Variants in FUT9 observed in about 807,000 individuals in gnomAD.
FUT9 encodes fucosyltransferase 9.
Under a neutral mutation model 29.7 loss-of-function variants are expected in FUT9, and 15 were observed. That is an observed-to-expected ratio of 0.51 (90% CI 0.34 to 0.78). The LOEUF is 0.78. Among genes scored for constraint, FUT9 ranks in the 30% least tolerant of loss-of-function variants. The probability of loss-of-function intolerance (pLI) is 0.01; values close to 1 mark genes in which losing one functional copy is unlikely to be tolerated. For missense variants in FUT9, 319 were observed against 425.4 expected, an observed-to-expected ratio of 0.75 and a Z score of 2.20; for synonymous variants, 169 against 153.7, an observed-to-expected ratio of 1.10 and a Z score of -0.74.
intron 2 of FUT9, among the ~76,000 whole-genome samples, chr6:96,197,445 A>AC (rs1773647081): frequency 6.6e-6 from 1 of 152,020 alleles, no homozygotes; most frequent in East Asian, 1.9e-4. Flanking sequence ...TCATGCCAAA[A>AC]GTAAATGGCA....
chr6:96,109,825 A>G (rs1447857184), intron 1 of FUT9, among the ~76,000 whole-genome samples: 1 of 152,106 alleles, frequency 6.6e-6, no homozygotes, highest in Non-Finnish European at 1.5e-5. Context: ...TGCACTATAA[A>G]GTCTAACTCT....
chr6:96,169,892 G>T (rs1375176329), intron 2 of FUT9, among the ~76,000 whole-genome samples: 1 of 152,208 alleles, frequency 6.6e-6, no homozygotes, highest in Middle Eastern at 3.4e-3. Context: ...GCCAACCAAA[G>T]AAATTTGGAG....
At chr6:96,165,653 T>G (rs1311286238) in intron 2 of FUT9, among the ~76,000 whole-genome samples, 1 of 152,012 alleles carries the variant, frequency 6.6e-6, no homozygotes, top group African/African-American at 2.4e-5. Context: ...CTGTCATCTG[T>G]CACCCAGGCT....
intron 2 of FUT9, among the ~76,000 whole-genome samples, chr6:96,142,536 T>C (rs1374445907): frequency 6.6e-6 from 1 of 152,196 alleles, no homozygotes; most frequent in Non-Finnish European, 1.5e-5. Flanking sequence ...ATTCAAAGGT[T>C]CATCATTAAC....
intron 2 of FUT9, among the ~76,000 whole-genome samples, chr6:96,188,255 T>C (rs1279032452): frequency 6.6e-6 from 1 of 151,924 alleles, no homozygotes; most frequent in Non-Finnish European, 1.5e-5. Context: ...CTCTCTTTTG[T>C]GTGTGTGTGT....
intron 1 of FUT9, among the ~76,000 whole-genome samples, chr6:96,052,759 T>C (rs546492482): frequency 1.3e-5 from 2 of 152,234 alleles, no homozygotes; most frequent in East Asian, 3.9e-4. Flanking sequence ...TCTAGTTTTT[T>C]GGCTATTTTA....
intron 1 of FUT9, among the ~76,000 whole-genome samples, chr6:96,112,609 A>G (rs760887704): frequency 4.6e-5 from 7 of 152,228 alleles, no homozygotes; most frequent in Non-Finnish European, 8.8e-5. Context: ...AAAGAAAAAA[A>G]ATGCAAGTGT....
At chr6:96,202,122 T>C (rs1773736067) in intron 2 of FUT9, among the ~76,000 whole-genome samples, 1 of 152,012 alleles carries the variant, frequency 6.6e-6, no homozygotes, top group Admixed American at 6.6e-5. Context: ...GTGAGAATTT[T>C]ATCAATAAAC....
chr6:96,019,323 C>T (rs1290614740), intron 1 of FUT9, among the ~76,000 whole-genome samples: 1 of 151,892 alleles, frequency 6.6e-6, no homozygotes, highest in Non-Finnish European at 1.5e-5. Flanking sequence ...TTTTTATACT[C>T]TAATATATAT....
chr6:96,155,750 G>A (rs903698822), intron 2 of FUT9, among the ~76,000 whole-genome samples: 2 of 152,016 alleles, frequency 1.3e-5, no homozygotes, highest in Non-Finnish European at 2.9e-5. Flanking sequence ...AGCACACAAA[G>A]GAATGACCAA....
chr6:96,036,201 A>T (rs1354349872), intron 1 of FUT9, among the ~76,000 whole-genome samples: 1 of 150,070 alleles, frequency 6.7e-6, no homozygotes, highest in Non-Finnish European at 1.5e-5. Context: ...CAGAATCGAG[A>T]TTCTATATAA....
At chr6:96,083,924 T>C (rs985435658) in intron 1 of FUT9, among the ~76,000 whole-genome samples, 34 of 152,064 alleles carry the variant, frequency 2.2e-4, no homozygotes, top group African/African-American at 8.2e-4. Flanking sequence ...TTCTTGAGTG[T>C]CTTCCTTGTG....
At chr6:96,091,431 T>G (rs1582223069) in intron 1 of FUT9, among the ~76,000 whole-genome samples, 2 of 152,210 alleles carry the variant, frequency 1.3e-5, no homozygotes, top group Non-Finnish European at 2.9e-5. Context: ...GCATGAATCT[T>G]CATTATCATA....
At chr6:96,057,735 G>T (rs1374002407) in intron 1 of FUT9, among the ~76,000 whole-genome samples, 1 of 152,188 alleles carries the variant, frequency 6.6e-6, no homozygotes, top group African/African-American at 2.4e-5. Context: ...GGAGCCTGCT[G>T]TTGGAGAAAG....
intron 1 of FUT9, among the ~76,000 whole-genome samples, chr6:96,088,406 C>A (rs1771354440): frequency 6.6e-6 from 1 of 151,830 alleles, no homozygotes; most frequent in South Asian, 2.1e-4. Context: ...CAAATTTGAA[C>A]AATTTTAAAC....
At chr6:96,049,297 T>C (rs1169799498) in intron 1 of FUT9, among the ~76,000 whole-genome samples, 1 of 152,174 alleles carries the variant, frequency 6.6e-6, no homozygotes, top group Non-Finnish European at 1.5e-5. Context: ...CTAAGAATTA[T>C]GCAAGCTAGC....
intron 1 of FUT9, among the ~76,000 whole-genome samples, chr6:96,110,754 C>G (rs974639773): frequency 2.0e-5 from 3 of 151,984 alleles, no homozygotes; most frequent in African/African-American, 7.2e-5. Flanking sequence ...CTCCTGGGCT[C>G]AAGCAATCTT....
chr6:96,075,667 AG>A (rs1771132235), intron 1 of FUT9, among the ~76,000 whole-genome samples: 1 of 152,190 alleles, frequency 6.6e-6, no homozygotes, highest in Non-Finnish European at 1.5e-5. Context: ...AATGGAAATT[AG>A]TACACATTTT....
intron 2 of FUT9, among the ~76,000 whole-genome samples, chr6:96,178,968 CA>C (rs201663526): frequency 1.6e-3 from 245 of 150,326 alleles, no homozygotes; most frequent in African/African-American, 5.5e-3. Context: ...TTATCAACTA[CA>C]AAAAAAAACA....
Sources: gnomAD v4.1 joint callset for allele counts (sites outside exome capture counted in the v4.1 genomes callset) on GRCh38, gnomAD v4.1.1 for gene constraint, MANE v1.5 for transcripts, NCBI Gene and HGNC (gene_info 2026-07-23, HGNC 2026-07-21) for gene names.